PCDH15: variants seen among roughly 807,000 people sequenced by gnomAD.
PCDH15 encodes the protein protocadherin-15.
PCDH15 carries 129 observed loss-of-function variants against 178.5 expected under a neutral mutation model. The observed-to-expected ratio is 0.72, with a 90% CI of 0.63 to 0.84. PCDH15 has a LOEUF of 0.84. Ranked by LOEUF, PCDH15 falls within the 40% of genes least tolerant of loss-of-function variation. The pLI is 0.00. For missense variants in PCDH15, 2,230 were observed against 2,099.9 expected (o/e 1.06, Z -1.21); for synonymous variants, 800 against 732.0 (o/e 1.09, Z -1.50).
At chr10:55,508,015 A>G (rs1840799131) in intron 2 of PCDH15, among the ~76,000 whole-genome samples, 1 of 151,726 alleles carries the variant, frequency 6.6e-6, no homozygotes, top group Admixed American at 6.6e-5. Context: ...TTGATAATCA[A>G]ACTGGACAAA....
At chr10:54,157,581 C>T (rs1447972825) in intron 13 of PCDH15, among the ~76,000 whole-genome samples, 1 of 152,208 alleles carries the variant, frequency 6.6e-6, no homozygotes, top group Non-Finnish European at 1.5e-5. Context: ...GTGAAGACCT[C>T]TGACATGCCC....
At chr10:54,325,079 G>T (rs2061854336) in intron 7 of PCDH15, among the ~76,000 whole-genome samples, 1 of 151,528 alleles carries the variant, frequency 6.6e-6, no homozygotes, top group Non-Finnish European at 1.5e-5. Flanking sequence ...ATTTATATTT[G>T]AAGTCAATAG....
chr10:54,480,056 T>A (rs186178645), intron 3 of PCDH15, among the ~76,000 whole-genome samples: 2 of 152,188 alleles, frequency 1.3e-5, no homozygotes, highest in Non-Finnish European at 1.5e-5. Flanking sequence ...TTCTATGAGC[T>A]AGATGAACAA....
chr10:55,549,301 T>C (rs1003425938), intron 2 of PCDH15, among the ~76,000 whole-genome samples: 1 of 152,188 alleles, frequency 6.6e-6, no homozygotes, highest in Admixed American at 6.6e-5. Context: ...TGAAAGTTAA[T>C]TTAACATTGA....
intron 2 of PCDH15, among the ~76,000 whole-genome samples, chr10:55,147,383 C>T (rs1838548659): frequency 6.6e-6 from 1 of 151,362 alleles, no homozygotes; most frequent in East Asian, 1.9e-4. Context: ...AGTAACATAA[C>T]ATATAATTCA....
chr10:55,498,415 A>T (rs1426633403), intron 2 of PCDH15, among the ~76,000 whole-genome samples: 2 of 152,002 alleles, frequency 1.3e-5, no homozygotes, highest in East Asian at 3.9e-4. Context: ...ACATTTTATA[A>T]AGTGTGTTCA....
intron 21 of PCDH15, among the ~76,000 whole-genome samples, chr10:53,993,890 T>C (rs1341229391): frequency 1.3e-5 from 2 of 152,140 alleles, no homozygotes; most frequent in Non-Finnish European, 2.9e-5. Context: ...ATAAATAGAT[T>C]CAGTATTTCA....
intron 3 of PCDH15, among the ~76,000 whole-genome samples, chr10:54,809,244 G>GTAAT (rs1213462517): frequency 1.3e-5 from 2 of 152,022 alleles, no homozygotes; most frequent in Non-Finnish European, 2.9e-5. Context: ...TTCTCTGTTA[G>GTAAT]TAATATCTTC....
chr10:54,314,654 A>T (rs1384139492), intron 8 of PCDH15, among the ~76,000 whole-genome samples: 1 of 152,056 alleles, frequency 6.6e-6, no homozygotes, highest in African/African-American at 2.4e-5. Flanking sequence ...CCCAGTACCC[A>T]ATAGTCATCT....
intron 14 of PCDH15, among the ~76,000 whole-genome samples, chr10:54,143,838 G>A (rs2043632243): frequency 6.6e-6 from 1 of 152,090 alleles, no homozygotes; most frequent in South Asian, 2.1e-4. Flanking sequence ...ATTCATGTGT[G>A]TTAGTTTGCA....
chr10:55,249,413 T>C (rs1286137230), intron 1 of PCDH15, among the ~76,000 whole-genome samples: 1 of 152,198 alleles, frequency 6.6e-6, no homozygotes, highest in Non-Finnish European at 1.5e-5. Flanking sequence ...TATATGTAAT[T>C]ACAATTTCTG....
intron 15 of PCDH15, among the ~76,000 whole-genome samples, chr10:54,127,611 T>C (rs1033337672): frequency 2.0e-5 from 3 of 152,154 alleles, no homozygotes; most frequent in African/African-American, 7.2e-5. Flanking sequence ...GAGTATTTTG[T>C]TTAATTTTTA....
At chr10:55,347,805 G>T (rs1254235250) in intron 2 of PCDH15, among the ~76,000 whole-genome samples, 1 of 152,154 alleles carries the variant, frequency 6.6e-6, no homozygotes, top group Non-Finnish European at 1.5e-5. Context: ...AGAGCTGCCT[G>T]GGCAGGAGTC....
intron 2 of PCDH15, among the ~76,000 whole-genome samples, chr10:54,648,586 T>C (rs566552360): frequency 1.3e-5 from 2 of 152,248 alleles, no homozygotes; most frequent in South Asian, 4.1e-4. Flanking sequence ...AATACATTAT[T>C]AAGTGTGTTA....
At chr10:54,061,841 T>C (rs1046727744) in intron 18 of PCDH15, among the ~76,000 whole-genome samples, 1 of 152,184 alleles carries the variant, frequency 6.6e-6, no homozygotes, top group Non-Finnish European at 1.5e-5. Flanking sequence ...TTTTTTAATA[T>C]GCTGGATAAA....
intron 2 of PCDH15, among the ~76,000 whole-genome samples, chr10:54,988,089 A>G (rs1166209384): frequency 6.6e-6 from 1 of 152,130 alleles, no homozygotes; most frequent in African/African-American, 2.4e-5. Flanking sequence ...ATGACTAGCC[A>G]GTTTTCCCAG....
chr10:54,286,240 G>A (rs1250468259), intron 8 of PCDH15, among the ~76,000 whole-genome samples: 1 of 152,132 alleles, frequency 6.6e-6, no homozygotes, highest in Non-Finnish European at 1.5e-5. Context: ...TGTGTGAGAT[G>A]ATGGATATGC....
intron 2 of PCDH15, among the ~76,000 whole-genome samples, chr10:54,663,828 G>T (rs1336046071): frequency 2.0e-5 from 3 of 151,770 alleles, no homozygotes; most frequent in Non-Finnish European, 2.9e-5. Context: ...AGCTTTGTTT[G>T]AGACCTTTGT....
intron 2 of PCDH15, among the ~76,000 whole-genome samples, chr10:55,023,798 T>C (rs1840399374): frequency 2.0e-5 from 3 of 149,246 alleles, no homozygotes; most frequent in Admixed American, 2.0e-4. Context: ...CACATATTCA[T>C]ATATATATTC....
Sources: gnomAD v4.1 joint callset for allele counts (sites outside exome capture counted in the v4.1 genomes callset) on GRCh38, gnomAD v4.1.1 for gene constraint, MANE v1.5 for transcripts, NCBI Gene and HGNC (gene_info 2026-07-23, HGNC 2026-07-21) for gene names.